The following PTPN21 variants were observed in gnomAD, a reference collection of about 807,000 sequenced individuals.
The protein encoded by PTPN21 is tyrosine-protein phosphatase non-receptor type 21.
In PTPN21, 77 loss-of-function variants were observed where a neutral mutation model predicts 131.8. The observed-to-expected ratio is 0.58, with a 90% CI of 0.49 to 0.71. The LOEUF (loss-of-function observed/expected upper bound fraction) is 0.71, where lower values mean the gene tolerates loss of function less well. PTPN21 is among the 30% of genes least tolerant of loss of function. The pLI, the probability that PTPN21 is intolerant of heterozygous loss-of-function variation, is 0.00. For synonymous variants in PTPN21, 715 were observed against 621.3 expected, an observed-to-expected ratio of 1.15 and a Z score of -2.24; for missense variants, 1,552 against 1,527.1, an observed-to-expected ratio of 1.02 and a Z score of -0.27.
chr14:88,505,860 G>A lies in PTPN21; in HGVS notation c.449-489C>T, dbSNP rs182432307. Among the ~76,000 whole-genome samples the A allele has an allele frequency of 1.1e-3, 175 of 152,270 alleles. 4 individuals are homozygous for A. The highest frequency in any genetic ancestry group is 4.0e-3 in the African/African-American group (165 of 41,566). ...GAAAAAGTAATTCTTAAAGCCAAAAGTGATACTTAAGAAAATCTAAAGTAC... is the reference window on the plus strand; with the variant it reads ...GAAAAAGTAATTCTTAAAGCCAAAAATGATACTTAAGAAAATCTAAAGTAC... On this transcript the variant is annotated intron_variant, in intron 4 of 18. Coordinates refer to ENST00000556564, the MANE Select transcript of PTPN21 (RefSeq NM_007039.4).
chr14:88,516,993 G>C (rs2078281037), intron 3 of PTPN21, 99 bp downstream of exon 3: 1 of 1,378,790 alleles, frequency 7.3e-7, no homozygotes, highest in African/African-American at 1.5e-5. Flanking sequence ...TGGGGCGAGA[G>C]GGCAAAGTTT....
At chr14:88,550,076 G>A (rs1411610570) in intron 2 of PTPN21, among the ~76,000 whole-genome samples, 162 bp downstream of exon 2, 5 of 151,706 alleles carry the variant, frequency 3.3e-5, no homozygotes, top group South Asian at 2.1e-4. Flanking sequence ...GAGCCACTGC[G>A]CCCGGCCTTG....
intron 8 of PTPN21, among the ~76,000 whole-genome samples, chr14:88,499,856 T>A (rs1228063162): frequency 1.3e-5 from 2 of 152,156 alleles, no homozygotes; most frequent in Non-Finnish European, 2.9e-5. Context: ...TACAATATGG[T>A]CCAACTTACT....
chr14:88,471,406 A>G (rs1595338905), intron 15 of PTPN21, among the ~76,000 whole-genome samples: 1 of 152,306 alleles, frequency 6.6e-6, no homozygotes, highest in Middle Eastern at 3.4e-3. Context: ...GTCCATTTTC[A>G]TAGGAGTGAT....
chr14:88,471,708 T>C (rs2077471708), intron 15 of PTPN21, among the ~76,000 whole-genome samples: 1 of 152,190 alleles, frequency 6.6e-6, no homozygotes, highest in African/African-American at 2.4e-5. Flanking sequence ...CAGACACTTT[T>C]GTTACATAAA....
intron 1 of PTPN21, chr14:88,551,389 A>T (rs1473758799): frequency 6.6e-6 from 1 of 152,218 alleles, no homozygotes; most frequent in Non-Finnish European, 1.5e-5. Flanking sequence ...GGCCGGAGGC[A>T]ACAAACCCAA....
At chr14:88,549,528 G>C (rs1308536941) in intron 2 of PTPN21, among the ~76,000 whole-genome samples, 2 of 152,176 alleles carry the variant, frequency 1.3e-5, no homozygotes, top group Non-Finnish European at 2.9e-5. Context: ...CCCAGCCAGG[G>C]ACACACAGTG....
intron 7 of PTPN21, 64 bp from the exon 8 acceptor site, chr14:88,500,935 T>A: frequency 8.6e-7 from 1 of 1,164,520 alleles, no homozygotes; most frequent in Non-Finnish European, 1.3e-6. Flanking sequence ...GCTGCTAGAG[T>A]TCCCTGGACT....
intron 2 of PTPN21, among the ~76,000 whole-genome samples, chr14:88,520,849 T>C (rs2139320847): frequency 6.6e-6 from 1 of 152,300 alleles, no homozygotes; most frequent in Non-Finnish European, 1.5e-5. Flanking sequence ...AAAACCATTA[T>C]ATTTTATTTT....
intron 2 of PTPN21, among the ~76,000 whole-genome samples, chr14:88,531,861 C>T (rs1363195387): frequency 2.0e-5 from 3 of 151,894 alleles, no homozygotes; most frequent in Admixed American, 6.6e-5. Context: ...TGACCATTAG[C>T]GAGATTAACC....
At position 88,480,132 on chromosome 14, in the gene PTPN21, C is replaced by A; in HGVS notation, c.1299G>T (p.Pro433=). 1 of 1,614,104 alleles carries A rather than the reference C, an allele frequency of 6.2e-7. No homozygotes were observed. Among genetic ancestry groups the A allele is most frequent in the Non-Finnish European group, 8.5e-7 (1 of 1,180,002 alleles). ...GSDVMRPDYL[P]SHRHSAVIPP... ...GTATCACGGCGCTGTGCCGATGGGACGGGAGGTAGTCAGGCCTCATGACGT... is the reference window on the plus strand; with the variant it reads ...GTATCACGGCGCTGTGCCGATGGGAAGGGAGGTAGTCAGGCCTCATGACGT... The change falls in exon 13 of 19, where the codon CCG becomes CCT. Residue 433 remains proline, a synonymous_variant. Transcript: ENST00000556564.
chr14:88,506,739 A>C (rs1256106756), intron 4 of PTPN21, among the ~76,000 whole-genome samples: 2 of 152,120 alleles, frequency 1.3e-5, no homozygotes, highest in Non-Finnish European at 2.9e-5. Context: ...TCACCACTAA[A>C]GAACTTATTC....
At chr14:88,501,555 G>A (rs568989144) in intron 6 of PTPN21, among the ~76,000 whole-genome samples, 187 bp from the exon 7 acceptor site, 2 of 152,244 alleles carry the variant, frequency 1.3e-5, no homozygotes, top group Admixed American at 6.5e-5. Context: ...AATGCTGAGG[G>A]TATCACATGA....
intron 10 of PTPN21, among the ~76,000 whole-genome samples, chr14:88,493,765 G>C (rs1371328515): frequency 6.6e-6 from 1 of 152,244 alleles, no homozygotes; most frequent in Admixed American, 6.5e-5. Flanking sequence ...TCGGGTCTCA[G>C]CTTAGATGTC....
At chr14:88,495,616 C>T (rs992478605) in intron 10 of PTPN21, among the ~76,000 whole-genome samples, 3 of 151,976 alleles carry the variant, frequency 2.0e-5, no homozygotes, top group Non-Finnish European at 2.9e-5. Context: ...TCAGGAGAAG[C>T]CCCCTAGACG....
At chr14:88,476,259 T>C (rs2077545541) in intron 13 of PTPN21, among the ~76,000 whole-genome samples, 1 of 152,172 alleles carries the variant, frequency 6.6e-6, no homozygotes, top group South Asian at 2.1e-4. Flanking sequence ...GAGGGTACAA[T>C]AGGGAATTGG....
rs1291426116 is a variant in PTPN21 at position 88,500,806 on chromosome 14, A to T, written c.741T>A (p.Asn247Lys). The T allele has an allele frequency of 6.2e-7, 1 of 1,613,290 alleles. No homozygotes were observed. The highest frequency in any genetic ancestry group is 8.5e-7 in the Non-Finnish European group (1 of 1,179,318). The change falls in exon 8 of 19, where the codon AAT becomes AAA. Residue 247 changes from asparagine (N) to lysine (K), a missense_variant. This residue lies in a region of PTPN21 where 1,016 missense variants were observed against 883.5 expected (regional missense o/e 1.15). Transcript: ENST00000556564. ...CLEGIFVKHKNGRHPVVFRWH... is the reference protein window; with the variant it reads ...CLEGIFVKHKKGRHPVVFRWH... Reference sequence around the variant, plus strand: ...ACCTAAATACCACAGGATGCCTTCCATTCTTGTGTTTCACAAAGATACCTT... The same window carrying T: ...ACCTAAATACCACAGGATGCCTTCCTTTCTTGTGTTTCACAAAGATACCTT...
chr14:88,498,040 G>C (rs1230235563), intron 8 of PTPN21, among the ~76,000 whole-genome samples: 1 of 151,768 alleles, frequency 6.6e-6, no homozygotes, highest in African/African-American at 2.4e-5. Context: ...GGCGGAGGTT[G>C]CAGTGAGCTG....
chr14:88,540,129 T>C (rs1360410412), intron 2 of PTPN21, among the ~76,000 whole-genome samples: 1 of 152,238 alleles, frequency 6.6e-6, no homozygotes, highest in Non-Finnish European at 1.5e-5. Context: ...CCAGTGATTT[T>C]TCTCCAATCC....
Sources: allele counts gnomAD v4.1 joint callset (sites outside exome capture counted in the v4.1 genomes callset), GRCh38; gene constraint gnomAD v4.1.1; regional missense constraint gnomAD v4.1.1; transcripts MANE v1.5; gene names NCBI Gene and HGNC (gene_info 2026-07-23, HGNC 2026-07-21).